The following TCAIM variants were observed in gnomAD, a reference collection of about 807,000 sequenced individuals.
TCAIM encodes T cell activation inhibitor, mitochondrial, also known as T-cell activation inhibitor, mitochondrial.
TCAIM carries 36 observed loss-of-function variants against 58.6 expected under a neutral mutation model. The ratio of observed to expected loss-of-function variants is 0.61; its 90% CI spans 0.47 to 0.81. The LOEUF (loss-of-function observed/expected upper bound fraction) is 0.81. TCAIM is among the 30% of genes least tolerant of loss of function. The pLI is 0.00. For missense variants in TCAIM, 466 were observed against 579.6 expected, an observed-to-expected ratio of 0.80 and a Z score of 2.01; for synonymous variants, 172 against 193.6, an observed-to-expected ratio of 0.89 and a Z score of 0.93.
intron 4 of TCAIM, among the ~76,000 whole-genome samples, chr3:44,367,098 G>T (rs1701392008): frequency 6.6e-6 from 1 of 152,136 alleles, no homozygotes; most frequent in South Asian, 2.1e-4. Flanking sequence ...GCTTATAGGA[G>T]AGCTTTTCTC....
intron 6 of TCAIM, 59 bp downstream of exon 6, chr3:44,393,036 T>G: frequency 6.7e-7 from 1 of 1,494,836 alleles, no homozygotes; most frequent in Non-Finnish European, 9.2e-7. Context: ...TACCAACTGA[T>G]AAGCTTTTCA....
At chr3:44,339,656 T>C (rs1700813444) in intron 1 of TCAIM, 1 of 152,184 alleles carries the variant, frequency 6.6e-6, no homozygotes, top group Non-Finnish European at 1.5e-5. Flanking sequence ...TAAATAAATT[T>C]TATCCTTCCC....
At position 44,357,891 on chromosome 3, in the gene TCAIM, A is replaced by T. The variant is rs200654009; in HGVS notation, c.165+15A>T. On this transcript the variant is annotated intron_variant, in intron 3 of 10. Transcript: ENST00000342649. ...CCGTAGAAAGGGTAAACATTTATTT[A>T]TTTTTAAACCATTAGTGTACATTTC... 9 of 1,611,262 alleles carry T rather than the reference A, an allele frequency of 5.6e-6. No homozygotes were observed. Among genetic ancestry groups the T allele is most frequent in the Middle Eastern group, 1.6e-4 (1 of 6,062 alleles).
Position 44,405,809 on chromosome 3 carries a change from G to A in TCAIM, c.1251-1633G>A, listed in dbSNP as rs114119159. On this transcript the variant is annotated intron_variant, in intron 10 of 10. Coordinates refer to ENST00000342649, the MANE Select transcript of TCAIM (RefSeq NM_173826.4). Reference sequence around the variant, plus strand: ...TGCCTCTACTATAGAAAAAACAGCCGGGCATGGTGGTACATGCATGCAATC... The same window carrying A: ...TGCCTCTACTATAGAAAAAACAGCCAGGCATGGTGGTACATGCATGCAATC... 5.9e-3 allele frequency among the ~76,000 whole-genome samples: 879 copies of A among 149,386 alleles called. 7 individuals carry two copies. Among genetic ancestry groups the A allele is most frequent in the African/African-American group, 0.021 (841 of 40,850 alleles).
chr3:44,351,840 C>G (rs1701097446), intron 1 of TCAIM, among the ~76,000 whole-genome samples: 1 of 152,024 alleles, frequency 6.6e-6, no homozygotes. Context: ...CATTCTGTCT[C>G]CTAGAAACTC....
At chr3:44,373,800 T>C (rs1048853102) in intron 5 of TCAIM, among the ~76,000 whole-genome samples, 1 of 152,254 alleles carries the variant, frequency 6.6e-6, no homozygotes, top group Admixed American at 6.5e-5. Flanking sequence ...TTTGGGTATA[T>C]TCTTTGATTA....
chr3:44,400,631 G>A (rs2125656537), intron 9 of TCAIM, 44 bp downstream of exon 9: 1 of 1,525,870 alleles, frequency 6.6e-7, no homozygotes, highest in South Asian at 1.1e-5. Flanking sequence ...CCTTCGTCTA[G>A]GTGGGTTGTG....
At chr3:44,365,773 T>A (rs2125636781) in intron 4 of TCAIM, among the ~76,000 whole-genome samples, 1 of 152,366 alleles carries the variant, frequency 6.6e-6, no homozygotes, top group South Asian at 2.1e-4. Flanking sequence ...ATTGAGCACT[T>A]GAAATGTGGC....
At chr3:44,387,082 A>G (rs1181602258) in intron 5 of TCAIM, among the ~76,000 whole-genome samples, 1 of 152,180 alleles carries the variant, frequency 6.6e-6, no homozygotes, top group Non-Finnish European at 1.5e-5. Flanking sequence ...AGCCAGACTC[A>G]TGCTGACATT....
chr3:44,392,633 A>G (rs918537146), intron 5 of TCAIM, among the ~76,000 whole-genome samples: 1 of 152,220 alleles, frequency 6.6e-6, no homozygotes, highest in African/African-American at 2.4e-5. Context: ...AGCTTCATCC[A>G]TGTTCCCATG....
chr3:44,367,435 TG>T lies in TCAIM; in HGVS notation c.320-16del. The T allele has an allele frequency of 1.3e-6, 2 of 1,591,190 alleles. No individual in the cohort carries two copies. Among genetic ancestry groups the T allele is most frequent in the Non-Finnish European group, 1.7e-6 (2 of 1,166,258 alleles). On this transcript the variant is annotated intron_variant, in intron 4 of 10. Coordinates refer to ENST00000342649, the MANE Select transcript of TCAIM (RefSeq NM_173826.4). Reference sequence around the variant, plus strand: ...CAAATAATCATCTGTATTAATTGTTTGGGGGAATTATATTCTCTAGGATTTC... The same window carrying T: ...CAAATAATCATCTGTATTAATTGTTTGGGGAATTATATTCTCTAGGATTTC...
intron 8 of TCAIM, among the ~76,000 whole-genome samples, chr3:44,397,252 A>G (rs1282854161): frequency 6.6e-6 from 1 of 152,206 alleles, no homozygotes; most frequent in African/African-American, 2.4e-5. Context: ...AACGTATCCA[A>G]CAACTGGGCA....
intron 5 of TCAIM, among the ~76,000 whole-genome samples, chr3:44,386,433 G>C (rs964788829): frequency 1.3e-5 from 2 of 152,178 alleles, no homozygotes; most frequent in African/African-American, 4.8e-5. Context: ...GTGTGGGCTG[G>C]GAACAGGCAG....
At chr3:44,358,962 A>T (rs1370048492) in intron 3 of TCAIM, 1 of 985,204 alleles carries the variant, frequency 1.0e-6, no homozygotes, top group Non-Finnish European at 1.2e-6. Flanking sequence ...AGTAATCAGT[A>T]AATTGAATCA....
rs374899578 is a variant in TCAIM at position 44,376,332 on chromosome 3, A to T, written c.572+8624A>T. On this transcript the variant is annotated intron_variant, in intron 5 of 10. Coordinates refer to ENST00000342649, the MANE Select transcript of TCAIM (RefSeq NM_173826.4). ...TTCCAACAAAGCCATTTTTAAAAAG[A>T]ACTATCACTACTCTTCCTAAAAAAT... Among the ~76,000 whole-genome samples the T allele has an allele frequency of 1.6e-4, 25 of 152,328 alleles. No individual in the cohort carries two copies. In the East Asian group the frequency reaches 2.9e-3, roughly 18 times the overall value.
chr3:44,356,450 C>T (rs1701192052), intron 2 of TCAIM, among the ~76,000 whole-genome samples: 2 of 151,900 alleles, frequency 1.3e-5, no homozygotes, highest in South Asian at 2.1e-4. Flanking sequence ...TTGCTTGAAC[C>T]CAGGGTACAG....
At chr3:44,395,756 G>A (rs372350630) in intron 6 of TCAIM, among the ~76,000 whole-genome samples, 22 of 152,358 alleles carry the variant, frequency 1.4e-4, no homozygotes, top group African/African-American at 4.8e-4. Context: ...AGGCCAAGGC[G>A]GGTGGATCAC....
At chr3:44,383,919 A>G (rs1406487698) in intron 5 of TCAIM, among the ~76,000 whole-genome samples, 2 of 152,182 alleles carry the variant, frequency 1.3e-5, no homozygotes, top group Non-Finnish European at 2.9e-5. Flanking sequence ...TGTCTTTAAA[A>G]AAAGAAAAAA....
intron 4 of TCAIM, among the ~76,000 whole-genome samples, chr3:44,366,682 A>G (rs1351254944): frequency 1.3e-5 from 2 of 150,752 alleles, no homozygotes; most frequent in Admixed American, 6.6e-5. Context: ...TAGCCAGGAT[A>G]GTCTCGATCT....
Sources: gnomAD v4.1 joint callset for allele counts (sites outside exome capture counted in the v4.1 genomes callset) on GRCh38, gnomAD v4.1.1 for gene constraint, MANE v1.5 for transcripts, NCBI Gene and HGNC (gene_info 2026-07-23, HGNC 2026-07-21) for gene names.